NAA30: variants seen among roughly 807,000 people sequenced by gnomAD.
NAA30 encodes the protein N-alpha-acetyltransferase 30.
Under a neutral mutation model 31.4 loss-of-function variants are expected in NAA30, and 5 were observed. That is an observed-to-expected ratio of 0.16 (90% CI 0.08 to 0.33). NAA30 has a LOEUF of 0.33. Among genes scored for constraint, NAA30 ranks in the 10% least tolerant of loss-of-function variants. The pLI, the probability that NAA30 is intolerant of heterozygous loss-of-function variation, is 1.00. For missense variants in NAA30, 428 were observed against 490.8 expected, an observed-to-expected ratio of 0.87 and a Z score of 1.21; for synonymous variants, 222 against 207.1, an observed-to-expected ratio of 1.07 and a Z score of -0.62.
intron 1 of NAA30, 119 bp from the exon 2 acceptor site, chr14:57,390,838 G>A: frequency 2.0e-6 from 2 of 985,250 alleles, no homozygotes; most frequent in Non-Finnish European, 2.8e-6. Flanking sequence ...GCAGCTCCGT[G>A]AGGGACGGTT....
intron 2 of NAA30, among the ~76,000 whole-genome samples, chr14:57,393,249 A>G: frequency 6.6e-6 from 1 of 152,146 alleles, no homozygotes; most frequent in African/African-American, 2.4e-5. Context: ...CTTGTTTGCT[A>G]TTTTAGACTC....
rs375419400 is a variant in NAA30 at position 57,391,704 on chromosome 14, C to T, written c.747C>T (p.His249=). ...TTTATACCTATAGATATTTTATCCA[C>T]AACTGGCCACAGCTGTGCTTCTTGG... ...YSIYTYRYFI[H]NWPQLCFLAM... is the part of the protein sequence containing the mutation. Residue 249 remains histidine, a synonymous_variant, in exon 2 of 5, where the codon CAC becomes CAT. Transcript: ENST00000556492. The surrounding 1 kb of genome is among the most constrained non-coding windows in gnomAD (Gnocchi z 4.1). 1.2e-6 allele frequency: 2 copies of T among 1,609,752 alleles called. No individual in the cohort carries two copies. The highest frequency in any genetic ancestry group is 1.3e-5 in the African/African-American group (1 of 74,890).
At chr14:57,398,388 A>T (rs1333032045) in intron 3 of NAA30, among the ~76,000 whole-genome samples, 2 of 152,170 alleles carry the variant, frequency 1.3e-5, no homozygotes, top group African/African-American at 4.8e-5. Flanking sequence ...TGGCCTTCAG[A>T]CATACTTTGT....
rs1488714641 is a variant in NAA30 at position 57,391,272 on chromosome 14, C to T, written c.315C>T (p.Val105=). Residue 105 remains valine, a synonymous_variant, in exon 2 of 5, where the codon GTC becomes GTT. Transcript: ENST00000556492. This position sits in a 1 kb window ranked among gnomAD's most constrained non-coding sequence, Gnocchi z 4.1. ...LRAAASLKSK[V]LSVAEVAATT... The stretch of plus-strand genomic sequence containing the variant: ...CGGCCGCCTCCCTCAAGAGCAAGGT[C>T]CTGAGCGTAGCAGAGGTGGCCGCGA... 2 of 1,611,982 alleles carry T rather than the reference C, an allele frequency of 1.2e-6. No homozygotes were observed. The highest frequency in any genetic ancestry group is 2.2e-5 in the South Asian group (2 of 90,988).
intron 4 of NAA30, among the ~76,000 whole-genome samples, chr14:57,407,511 G>A (rs2066502698): frequency 6.6e-6 from 1 of 152,166 alleles, no homozygotes; most frequent in Admixed American, 6.5e-5. Flanking sequence ...GGCCAAAAGA[G>A]AGGAGGATAG....
chr14:57,401,324 A>G (rs941628754), intron 4 of NAA30, among the ~76,000 whole-genome samples: 1 of 152,230 alleles, frequency 6.6e-6, no homozygotes, highest in Non-Finnish European at 1.5e-5. Context: ...TGGGTGGCAC[A>G]GTGAAGTCAT....
rs1475777738 is a variant in NAA30, at chr14:57,390,622, TGGAGGCTGCCGCGGCTGCGAA to T, written c.-78_-58del. On this transcript the variant is annotated 5_prime_UTR_variant, in exon 1 of 5. Coordinates refer to ENST00000556492, the MANE Select transcript of NAA30 (RefSeq NM_001011713.3). ...GGCTGAGTGAGAACCTTGGCGGCTG[TGGAGGCTGCCGCGGCTGCGAA>T]GGAGGCGGCGGCGGTGGCGGAGGAA... 16 of 329,214 alleles carry T rather than the reference TGGAGGCTGCCGCGGCTGCGAA, an allele frequency of 4.9e-5. No individual in the cohort carries two copies. Among genetic ancestry groups the T allele is most frequent in the South Asian group, 1.1e-4 (1 of 9,248 alleles). The allele number at this position is 329,214 out of a possible 1,614,324, so 20.4% of individuals were successfully genotyped here.
At chr14:57,396,387 T>G (rs565892140) in intron 2 of NAA30, among the ~76,000 whole-genome samples, 1 of 141,248 alleles carries the variant, frequency 7.1e-6, no homozygotes, top group African/African-American at 2.4e-5. Flanking sequence ...ATTTTTTTTT[T>G]GCATATTTCC....
chr14:57,406,029 T>G (rs2066496944), intron 4 of NAA30, among the ~76,000 whole-genome samples: 1 of 152,224 alleles, frequency 6.6e-6, no homozygotes, highest in African/African-American at 2.4e-5. Flanking sequence ...TCAGATATTC[T>G]TTTAATATGT....
rs373296621 is a variant in NAA30 at position 57,391,748 on chromosome 14, A to G, written c.771+20A>G. On this transcript the variant is annotated intron_variant, in intron 2 of 4. Coordinates refer to ENST00000556492, the MANE Select transcript of NAA30 (RefSeq NM_001011713.3). The surrounding 1 kb of genome is among the most constrained non-coding windows in gnomAD (Gnocchi z 4.1). ...TTCTTGGTAAGTGGATAGAATAAAA[A>G]GAGGGTGAACCCAGCAGTGATCGAG... The G allele has an allele frequency of 6.3e-7, 1 of 1,578,442 alleles. No homozygotes were observed. The highest frequency in any genetic ancestry group is 1.3e-5 in the African/African-American group (1 of 74,292).
At chr14:57,409,140 C>G (rs1353464461) in intron 4 of NAA30, among the ~76,000 whole-genome samples, 1 of 152,174 alleles carries the variant, frequency 6.6e-6, no homozygotes, top group Non-Finnish European at 1.5e-5. Flanking sequence ...CATTGCTAAA[C>G]ATTTCAAACT....
chr14:57,395,453 A>G (rs1057101031), intron 2 of NAA30, among the ~76,000 whole-genome samples: 3 of 152,206 alleles, frequency 2.0e-5, no homozygotes, highest in African/African-American at 7.2e-5. Flanking sequence ...TTTCTTCTGG[A>G]AAGTTAATTT....
Position 57,411,813 on chromosome 14 carries a change from A to T in NAA30, c.*2297A>T, listed in dbSNP as rs947111098. On this transcript the variant is annotated 3_prime_UTR_variant, in exon 5 of 5. Transcript: ENST00000556492. ...GAAAACCCAGCACCAACACTGAAAG[A>T]CTCCATTCAGGTTGAAGTAGCCTCA... is the stretch of plus-strand genomic sequence containing the variant. 2 of 152,106 alleles carry T rather than the reference A, an allele frequency of 1.3e-5. No individual in the cohort carries two copies. Among genetic ancestry groups the T allele is most frequent in the African/African-American group, 4.8e-5 (2 of 41,424 alleles). 9.4% of individuals were successfully genotyped at this position (152,106 alleles called of 1,614,324 possible).
chr14:57,405,670 T>C lies in NAA30; in HGVS notation c.952-3709T>C, dbSNP rs549004176. ...CTCTCTCTTTGTCTATGCAACATGA[T>C]GTTAATTCTGATCTTAAAGATACGT... On this transcript the variant is annotated intron_variant, in intron 4 of 4. Coordinates refer to ENST00000556492, the MANE Select transcript of NAA30 (RefSeq NM_001011713.3). Among the ~76,000 whole-genome samples, 43 of 152,282 alleles carry C rather than the reference T, an allele frequency of 2.8e-4. No homozygotes were observed. The South Asian group carries it at 8.5e-3, about 30-fold the overall frequency.
intron 4 of NAA30, among the ~76,000 whole-genome samples, chr14:57,407,322 A>G (rs1267416628): frequency 6.6e-6 from 1 of 152,058 alleles, no homozygotes; most frequent in East Asian, 1.9e-4. Flanking sequence ...TTCATTTTAG[A>G]TCTTTTAAAG....
chr14:57,404,511 C>T (rs1163617788), intron 4 of NAA30, among the ~76,000 whole-genome samples: 1 of 152,074 alleles, frequency 6.6e-6, no homozygotes, highest in African/African-American at 2.4e-5. Context: ...ATTGAAAAAC[C>T]GTAATGAACA....
Position 57,412,863 on chromosome 14 carries a change from A to T in NAA30, c.*3347A>T, listed in dbSNP as rs561985246. The T allele has an allele frequency of 4.6e-4, 70 of 152,314 alleles. No individual in the cohort carries two copies. The highest frequency in any genetic ancestry group is 7.9e-4 in the Non-Finnish European group (54 of 68,030). 9.4% of individuals were successfully genotyped at this position (152,314 alleles called of 1,614,324 possible). ...TATTGTTTCCCGCTTCCTGCCTTTC[A>T]TCTAAGAGTTACGGGGAAGAAGTAT... is the stretch of plus-strand genomic sequence containing the variant. On this transcript the variant is annotated 3_prime_UTR_variant, in exon 5 of 5. Coordinates refer to ENST00000556492, the MANE Select transcript of NAA30 (RefSeq NM_001011713.3).
rs1489037506 is a variant in NAA30, at chr14:57,411,644, A to G, written c.*2128A>G. 1 of 152,168 alleles carries G rather than the reference A, an allele frequency of 6.6e-6. No individual in the cohort carries two copies. The highest frequency in any genetic ancestry group is 1.5e-5 in the Non-Finnish European group (1 of 67,992). 9.4% of individuals were successfully genotyped at this position (152,168 alleles called of 1,614,324 possible). Reference sequence around the variant, plus strand: ...GACTGAACTGGTTGGGTGTTTGTAAAGATGACGTTAACTGTGTGACTAAAA... The same window carrying G: ...GACTGAACTGGTTGGGTGTTTGTAAGGATGACGTTAACTGTGTGACTAAAA... On this transcript the variant is annotated 3_prime_UTR_variant, in exon 5 of 5. Transcript: ENST00000556492.
chr14:57,412,065 A>G lies in NAA30; in HGVS notation c.*2549A>G, dbSNP rs1348472465. 1 of 152,030 alleles carries G rather than the reference A, an allele frequency of 6.6e-6. No homozygotes were observed. The highest frequency in any genetic ancestry group is 1.5e-5 in the Non-Finnish European group (1 of 67,986). 9.4% of individuals were successfully genotyped at this position (152,030 alleles called of 1,614,324 possible). A position where few individuals can be genotyped will look rare whatever the true frequency, so the allele number is the denominator to read the frequency against. Reference sequence around the variant, plus strand: ...TTTATACATGCTACCATGAAGCTATATATGTTAGTATTGAAGAAGCTAACG... The same window carrying G: ...TTTATACATGCTACCATGAAGCTATGTATGTTAGTATTGAAGAAGCTAACG... On this transcript the variant is annotated 3_prime_UTR_variant, in exon 5 of 5. Transcript: ENST00000556492.
Sources: allele counts gnomAD v4.1 joint callset (sites outside exome capture counted in the v4.1 genomes callset), GRCh38; gene constraint gnomAD v4.1.1; non-coding constraint Gnocchi (gnomAD v3.1); transcripts MANE v1.5; gene names NCBI Gene and HGNC (gene_info 2026-07-23, HGNC 2026-07-21).